HEATR3: variants seen among roughly 807,000 people sequenced by gnomAD.
HEATR3 encodes HEAT repeat-containing protein 3.
Under a neutral mutation model 72.8 loss-of-function variants are expected in HEATR3, and 56 were observed. The ratio of observed to expected loss-of-function variants is 0.77; its 90% CI spans 0.62 to 0.96. The LOEUF (loss-of-function observed/expected upper bound fraction) is 0.96, where lower values mean the gene tolerates loss of function less well. Ranked by LOEUF, HEATR3 falls within the 40% of genes least tolerant of loss-of-function variation. HEATR3 has a pLI of 0.00. For synonymous variants in HEATR3, 331 were observed against 318.1 expected, an observed-to-expected ratio of 1.04 and a Z score of -0.43; for missense variants, 747 against 831.4, an observed-to-expected ratio of 0.90 and a Z score of 1.25.
chr16:50,092,418 C>CT (rs1208535220), intron 11 of HEATR3, among the ~76,000 whole-genome samples: 10 of 81,470 alleles, frequency 1.2e-4, no homozygotes, highest in East Asian at 6.4e-4. Flanking sequence ...CCAGGTCATT[C>CT]TTTTTTTTTT....
intron 11 of HEATR3, among the ~76,000 whole-genome samples, chr16:50,088,966 A>C (rs985282147): frequency 6.6e-6 from 1 of 152,142 alleles, no homozygotes; most frequent in African/African-American, 2.4e-5. Flanking sequence ...CAGCACACAG[A>C]GGTTATTTCA....
intron 7 of HEATR3, among the ~76,000 whole-genome samples, chr16:50,082,200 G>A (rs1290664755): frequency 2.6e-5 from 4 of 152,068 alleles, no homozygotes; most frequent in Non-Finnish European, 4.4e-5. Flanking sequence ...AAAATTAGCC[G>A]AGAATGGTGG....
intron 6 of HEATR3, among the ~76,000 whole-genome samples, chr16:50,077,726 T>C (rs2036768601): frequency 6.6e-6 from 1 of 152,172 alleles, no homozygotes; most frequent in Non-Finnish European, 1.5e-5. Flanking sequence ...TGTTGTAGCA[T>C]GTGTCAGAAA....
intron 12 of HEATR3, among the ~76,000 whole-genome samples, chr16:50,096,868 T>G (rs1294776124): frequency 6.6e-6 from 1 of 152,178 alleles, no homozygotes; most frequent in Non-Finnish European, 1.5e-5. Context: ...TCTCTTAGTC[T>G]ATAGCATTTC....
Position 50,072,585 on chromosome 16 carries a change from T to G in HEATR3, c.513-20T>G, listed in dbSNP as rs781590594. 6.7e-7 allele frequency: 1 copy of G among 1,502,402 alleles called. No homozygotes were observed. The highest frequency in any genetic ancestry group is 1.1e-5 in the South Asian group (1 of 87,618). The allele number at this position is 1,502,402 out of a possible 1,614,324, so 93.1% of individuals were successfully genotyped here. A position where few individuals can be genotyped will look rare whatever the true frequency, so the allele number is the denominator to read the frequency against. The stretch of plus-strand genomic sequence containing the variant: ...GTTAAAATGTGAATAGTAAAACTTT[T>G]TTTTCCCCCTTCAATTTAGTGAATG... On this transcript the variant is annotated intron_variant, in intron 4 of 14. Coordinates refer to ENST00000299192, the MANE Select transcript of HEATR3 (RefSeq NM_182922.4).
At chr16:50,098,643 G>A (rs547405560) in intron 12 of HEATR3, among the ~76,000 whole-genome samples, 5 of 151,782 alleles carry the variant, frequency 3.3e-5, no homozygotes, top group South Asian at 2.1e-4. Flanking sequence ...GCGACAGAGC[G>A]ATACTCCGTT....
chr16:50,079,894 T>G (rs1157313739), intron 7 of HEATR3: 34 of 152,202 alleles, frequency 2.2e-4, no homozygotes, highest in Non-Finnish European at 1.5e-5. Context: ...ATGCACAGAT[T>G]TCTAAGAAAA....
At chr16:50,100,022 A>G (rs985426951) in intron 12 of HEATR3, among the ~76,000 whole-genome samples, 4 of 152,204 alleles carry the variant, frequency 2.6e-5, no homozygotes, top group Non-Finnish European at 5.9e-5. Flanking sequence ...AACAGTGCCG[A>G]CATGAGCAGG....
At chr16:50,077,621 C>T (rs2150602580) in intron 6 of HEATR3, among the ~76,000 whole-genome samples, 1 of 152,272 alleles carries the variant, frequency 6.6e-6, no homozygotes, top group Middle Eastern at 3.4e-3. Context: ...CATTCCTTGA[C>T]TCCTCTAAAC....
chr16:50,087,892 C>T lies in HEATR3; in HGVS notation c.1510+1541C>T, dbSNP rs148469264. 4.1e-4 allele frequency among the ~76,000 whole-genome samples: 62 copies of T among 152,090 alleles called. No individual in the cohort carries two copies. In the East Asian group the frequency reaches 0.01, roughly 26 times the overall value. ...CTGTAATCCCAGCACTTTGGGAGGC[C>T]GAGGCGGGTGGATCACCTGAGGTTG... On this transcript the variant is annotated intron_variant, in intron 11 of 14. Coordinates refer to ENST00000299192, the MANE Select transcript of HEATR3 (RefSeq NM_182922.4).
chr16:50,067,354 CA>C (rs76903396), intron 2 of HEATR3, among the ~76,000 whole-genome samples: 2,397 of 135,738 alleles, frequency 0.018, 44 homozygotes, highest in African/African-American at 0.055. Flanking sequence ...GACCCTGTCT[CA>C]AAAAAAAAAA....
chr16:50,070,467 A>G (rs2036587348), intron 4 of HEATR3, among the ~76,000 whole-genome samples, 177 bp downstream of exon 4: 1 of 152,190 alleles, frequency 6.6e-6, no homozygotes, highest in Non-Finnish European at 1.5e-5. Flanking sequence ...TGGGAGGCCG[A>G]GGCGGGTGGA....
At chr16:50,066,626 T>G in intron 2 of HEATR3, 87 bp downstream of exon 2, 1 of 1,175,298 alleles carries the variant, frequency 8.5e-7, no homozygotes, top group South Asian at 3.5e-5. Flanking sequence ...ACCCAGCGCC[T>G]TCTGTGTGCC....
At chr16:50,080,180 A>T (rs2036835988) in intron 7 of HEATR3, 1 of 152,120 alleles carries the variant, frequency 6.6e-6, no homozygotes, top group African/African-American at 2.4e-5. Flanking sequence ...TGTGTTCGTG[A>T]TGTCTCGGGA....
chr16:50,070,182 G>C lies in HEATR3; in HGVS notation c.404G>C (p.Ser135Thr). The C allele has an allele frequency of 6.4e-7, 1 of 1,566,386 alleles. No individual in the cohort carries two copies. Among genetic ancestry groups the C allele is most frequent in the Non-Finnish European group, 8.8e-7 (1 of 1,140,498 alleles). Residue 135 changes from serine to threonine, a missense_variant, in exon 4 of 15, where the codon AGT becomes ACT. Ser to Thr is a moderately conservative substitution (Grantham distance 58). Around this residue, in one of 2 missense-constraint regions of HEATR3, gnomAD observed 586 missense variants for 708.8 expected, o/e 0.83. Coordinates refer to ENST00000299192, the MANE Select transcript of HEATR3 (RefSeq NM_182922.4). ...AATCATGATATTTGGTTACAGTGTA[G>C]TGCTGGACTGGATTCAAATGAGATG... ...TPLVALLKEC[S>T]AGLDSNEMSL... is the part of the protein sequence containing the mutation.
At chr16:50,077,248 G>T (rs989320297) in intron 6 of HEATR3, among the ~76,000 whole-genome samples, 2 of 152,046 alleles carry the variant, frequency 1.3e-5, no homozygotes, top group Non-Finnish European at 2.9e-5. Flanking sequence ...CTGACCTAAA[G>T]TGATTGGCCC....
chr16:50,072,601 T>G lies in HEATR3; in HGVS notation c.513-4T>G. ...TAAAACTTTTTTTTCCCCCTTCAAT[T>G]TAGTGAATGCAGTAGTAGAGCAGTG... On this transcript the variant is annotated splice_polypyrimidine_tract_variant and splice_region_variant and intron_variant, in intron 4 of 14. Transcript: ENST00000299192. 1 of 1,582,276 alleles carries G rather than the reference T, an allele frequency of 6.3e-7. No individual in the cohort carries two copies. Among genetic ancestry groups the G allele is most frequent in the East Asian group, 2.2e-5 (1 of 44,636 alleles).
chr16:50,094,925 A>G, intron 12 of HEATR3, 132 bp downstream of exon 12: 1 of 509,236 alleles, frequency 2.0e-6, no homozygotes, highest in Admixed American at 3.4e-5. Context: ...GTAAAAAATA[A>G]AACAAAAGTG....
intron 2 of HEATR3, among the ~76,000 whole-genome samples, chr16:50,068,245 G>T (rs1246837833): frequency 6.6e-6 from 1 of 152,160 alleles, no homozygotes. Flanking sequence ...TTTACCCAGG[G>T]CTGCTTTAGG....
Sources: allele counts gnomAD v4.1 joint callset (sites outside exome capture counted in the v4.1 genomes callset), GRCh38; gene constraint gnomAD v4.1.1; regional missense constraint gnomAD v4.1.1; transcripts MANE v1.5; gene names NCBI Gene and HGNC (gene_info 2026-07-23, HGNC 2026-07-21).